Variants in TTLL6 observed in about 807,000 individuals in gnomAD.
The protein encoded by TTLL6 is tubulin polyglutamylase TTLL6.
A neutral mutation model predicts 96.4 loss-of-function variants in TTLL6; 75 were observed. That is an observed-to-expected ratio of 0.78 (90% CI 0.65 to 0.94). The LOEUF is 0.94. TTLL6 is among the 40% of genes least tolerant of loss of function. The pLI is 0.00. For synonymous variants in TTLL6, 411 were observed against 419.4 expected (o/e 0.98, Z 0.24); for missense variants, 1,030 against 1,093.0 (o/e 0.94, Z 0.81).
chr17:48,807,533 A>G (rs2039521686), intron 1 of TTLL6, among the ~76,000 whole-genome samples: 2 of 152,012 alleles, frequency 1.3e-5, no homozygotes, highest in Non-Finnish European at 2.9e-5. Context: ...TTGTTTTGAG[A>G]CAGAGTCTTG....
Position 48,791,510 on chromosome 17 carries a change from G to T in TTLL6, c.1092C>A (p.Leu364=). 1 of 1,614,196 alleles carries T rather than the reference G, an allele frequency of 6.2e-7. No homozygotes were observed. ...RDIEDVIIKT[L]ISAHPIIRHN... is the part of the protein sequence containing the mutation. ...GCCTGATGATGGGGTGGGCCGAGATGAGGGTCTTGATGATGACGTCCTCAA... is the reference window on the plus strand; with the variant it reads ...GCCTGATGATGGGGTGGGCCGAGATTAGGGTCTTGATGATGACGTCCTCAA... Residue 364 remains leucine (L), a synonymous_variant, in exon 9 of 16, where the codon CTC becomes CTA. Transcript: ENST00000393382.
intron 13 of TTLL6, among the ~76,000 whole-genome samples, chr17:48,772,290 G>A (rs2038763580): frequency 6.6e-6 from 1 of 151,982 alleles, no homozygotes; most frequent in African/African-American, 2.4e-5. Flanking sequence ...TTCCAGACCA[G>A]GCTGGGCAAC....
chr17:48,781,695 A>G (rs2038989214), intron 13 of TTLL6, among the ~76,000 whole-genome samples: 1 of 152,232 alleles, frequency 6.6e-6, no homozygotes, highest in Admixed American at 6.5e-5. Context: ...CTGGATATTA[A>G]GCCTGCTATG....
chr17:48,803,787 G>C (rs190932133), intron 3 of TTLL6, 104 bp downstream of exon 3: 2 of 1,175,704 alleles, frequency 1.7e-6, no homozygotes, highest in African/African-American at 3.1e-5. Flanking sequence ...AGGATTTGAA[G>C]ATACGCCCTT....
chr17:48,773,249 A>G (rs1326578749), intron 13 of TTLL6, among the ~76,000 whole-genome samples: 1 of 152,218 alleles, frequency 6.6e-6, no homozygotes, highest in Non-Finnish European at 1.5e-5. Flanking sequence ...AAGGGTCCAG[A>G]AGAGAAGAGA....
In TTLL6 at chr17:48,769,232, C is replaced by A. The variant is rs772974752; in HGVS notation, c.2433G>T (p.Glu811Asp). 2 of 1,607,206 alleles carry A rather than the reference C, an allele frequency of 1.2e-6. No individual in the cohort carries two copies. The highest frequency in any genetic ancestry group is 2.2e-5 in the East Asian group (1 of 44,708). Reference sequence around the variant, plus strand: ...CAGAGCTGTCACTGCGGGAGTGGCACTCCCCAGGCAGGGAGGGGTTTTCTG... The same window carrying A: ...CAGAGCTGTCACTGCGGGAGTGGCAATCCCCAGGCAGGGAGGGGTTTTCTG... ...NLSQNPSLPGECHSRSDSSGE... is the reference protein window; with the variant it reads ...NLSQNPSLPGDCHSRSDSSGE... Residue 811 changes from glutamate (E) to aspartate (D), a missense_variant, in exon 15 of 16, where the codon GAG (glutamate) becomes GAT (aspartate). Physicochemically the swap from Glu to Asp is conservative, Grantham distance 45. Transcript: ENST00000393382.
At chr17:48,774,992 G>C (rs1237102925) in intron 13 of TTLL6, among the ~76,000 whole-genome samples, 4 of 152,160 alleles carry the variant, frequency 2.6e-5, no homozygotes, top group African/African-American at 9.6e-5. Flanking sequence ...AATTAGCTGG[G>C]CATAGTGGCG....
At chr17:48,812,064 A>ACCCCC (rs56757071) in intron 1 of TTLL6, 6 of 76,140 alleles carry the variant, frequency 7.9e-5, no homozygotes, top group Non-Finnish European at 1.5e-4. Flanking sequence ...TGATGCTGGG[A>ACCCCC]CCCCCCCCCC....
rs201571130 is a variant in TTLL6 at position 48,786,200 on chromosome 17, C to T, written c.1725G>A (p.Gln575=). ...CTTGGGTGGCGGCCTTGTCTTTCTG[C>T]TGTTGTTTCTGTTGCCAGCCCCTCA... ...KGMRGWQQKQ[Q]QKDKAATQAS... is the part of the protein sequence containing the mutation. The change falls in exon 12 of 16, where the codon CAG becomes CAA. Residue 575 remains glutamine (Q), a synonymous_variant. Coordinates refer to ENST00000393382, the MANE Select transcript of TTLL6 (RefSeq NM_001130918.3). 6.2e-7 allele frequency: 1 copy of T among 1,614,220 alleles called. No individual in the cohort carries two copies. Among genetic ancestry groups the T allele is most frequent in the Non-Finnish European group, 8.5e-7 (1 of 1,180,036 alleles).
chr17:48,774,322 C>A (rs1279470158), intron 13 of TTLL6, among the ~76,000 whole-genome samples: 1 of 149,324 alleles, frequency 6.7e-6, no homozygotes, highest in African/African-American at 2.5e-5. Context: ...CATTGCCACG[C>A]CCAGCTAATT....
intron 8 of TTLL6, 87 bp downstream of exon 8, chr17:48,795,974 T>C: frequency 1.8e-6 from 2 of 1,082,156 alleles, no homozygotes; most frequent in Non-Finnish European, 1.4e-6. Flanking sequence ...GAAACACTGA[T>C]GGGGACTAAC....
rs1223579421 is a variant in TTLL6 at position 48,762,725 on chromosome 17, C to T, written c.*249G>A. Reference sequence around the variant, plus strand: ...CACTGGTACGGCAACTGGAGTGTGTCCTGGGGCAGCACCAATCCAACCCCA... The same window carrying T: ...CACTGGTACGGCAACTGGAGTGTGTTCTGGGGCAGCACCAATCCAACCCCA... On this transcript the variant is annotated 3_prime_UTR_variant, in exon 16 of 16. Coordinates refer to ENST00000393382, the MANE Select transcript of TTLL6 (RefSeq NM_001130918.3). The T allele has an allele frequency of 3.3e-6, 1 of 306,934 alleles. No homozygotes were observed. Among genetic ancestry groups the T allele is most frequent in the African/African-American group, 2.2e-5 (1 of 44,536 alleles). The allele number at this position is 306,934 out of a possible 1,614,324, so 19.0% of individuals were successfully genotyped here.
In TTLL6 at chr17:48,801,618, G is replaced by A. The variant is rs773277032; in HGVS notation, c.387C>T (p.Gly129=). Residue 129 remains glycine, a synonymous_variant, in exon 4 of 16, where the codon GGC becomes GGT. Transcript: ENST00000393382. ...ESVRRAAQQY[G]FREGGEDDDW... ...CATCGTCTTCCCCTCCCTCTCTAAA[G>A]CCGTACTGTTGGGCAGCCCTGCGCA... 7 of 1,551,642 alleles carry A rather than the reference G, an allele frequency of 4.5e-6. No individual in the cohort carries two copies. In the South Asian group the frequency reaches 8.3e-5, roughly 18 times the overall value.
intron 13 of TTLL6, among the ~76,000 whole-genome samples, chr17:48,771,030 C>T (rs1165015262): frequency 6.6e-6 from 1 of 152,090 alleles, no homozygotes; most frequent in Non-Finnish European, 1.5e-5. Flanking sequence ...GCTTTTTGTC[C>T]GAGGACACCC....
chr17:48,769,602 G>T (rs1006834657), intron 14 of TTLL6, 126 bp downstream of exon 14: 1 of 1,183,046 alleles, frequency 8.5e-7, no homozygotes, highest in Admixed American at 2.3e-5. Context: ...ATCAGACTGG[G>T]GTTTCCCTGA....
Position 48,787,817 on chromosome 17 carries a change from T to G in TTLL6, c.1583A>C (p.Tyr528Ser). The change falls in exon 11 of 16, where the codon TAT (tyrosine) becomes TCT (serine). Residue 528 changes from tyrosine to serine, a missense_variant. Tyr to Ser is a moderately radical substitution (Grantham distance 144, BLOSUM62 -2). Coordinates refer to ENST00000393382, the MANE Select transcript of TTLL6 (RefSeq NM_001130918.3). Reference protein sequence around the residue: ...NTVASRAREEYARQLIQELRL... With the variant: ...NTVASRAREESARQLIQELRL... The stretch of plus-strand genomic sequence containing the variant: ...ATCCCGGATGTCTTCCTACCGGGCA[T>G]ACTCCTCCCGAGCCCTGGAAGCAAC... 2 of 1,613,892 alleles carry G rather than the reference T, an allele frequency of 1.2e-6. No homozygotes were observed. Among genetic ancestry groups the G allele is most frequent in the African/African-American group, 2.7e-5 (2 of 75,042 alleles).
intron 1 of TTLL6, among the ~76,000 whole-genome samples, chr17:48,810,825 GTATA>G (rs1555569643): frequency 0.063 from 5,295 of 84,330 alleles, 262 homozygotes; most frequent in South Asian, 0.18. Context: ...GTATGTGTGT[GTATA>G]TATATATATA....
chr17:48,817,202 C>A lies in TTLL6; in HGVS notation c.-130G>T. 8.6e-6 allele frequency: 5 copies of A among 584,170 alleles called. No individual in the cohort carries two copies. 36.2% of individuals were successfully genotyped at this position (584,170 alleles called of 1,614,324 possible). A position where few individuals can be genotyped will look rare whatever the true frequency, so the allele number is the denominator to read the frequency against. On this transcript the variant is annotated 5_prime_UTR_variant, in exon 1 of 16. Coordinates refer to ENST00000393382, the MANE Select transcript of TTLL6 (RefSeq NM_001130918.3). ...GCAGTAGCTGCCATGCCCCCTCCCT[C>A]CCGAATCCAATTAACCGCCCAGGCG...
chr17:48,773,243 G>C (rs1003952968), intron 13 of TTLL6, among the ~76,000 whole-genome samples: 1 of 152,122 alleles, frequency 6.6e-6, no homozygotes, highest in Non-Finnish European at 1.5e-5. Context: ...TTATTGAAGG[G>C]TCCAGAAGAG....
Sources: gnomAD v4.1 joint callset for allele counts (sites outside exome capture counted in the v4.1 genomes callset) on GRCh38, gnomAD v4.1.1 for gene constraint, MANE v1.5 for transcripts, NCBI Gene and HGNC (gene_info 2026-07-23, HGNC 2026-07-21) for gene names.